Variants in CTSC observed in about 807,000 individuals in gnomAD.
The protein encoded by CTSC is cathepsin C, also known as dipeptidyl peptidase 1.
In CTSC, 37 loss-of-function variants were observed where a neutral mutation model predicts 40.9. The observed-to-expected ratio is 0.91, with a 90% CI of 0.70 to 1.19. The LOEUF (loss-of-function observed/expected upper bound fraction) is 1.19, where lower values mean the gene tolerates loss of function less well. Ranked by LOEUF, CTSC falls within the 50% of genes most tolerant of loss-of-function variation. The pLI, the probability that CTSC is intolerant of heterozygous loss-of-function variation, is 0.00. For synonymous variants in CTSC, 232 were observed against 207.4 expected, an observed-to-expected ratio of 1.12 and a Z score of -1.02; for missense variants, 594 against 567.3, an observed-to-expected ratio of 1.05 and a Z score of -0.48.
intron 4 of CTSC, among the ~76,000 whole-genome samples, chr11:88,308,832 T>C (rs1937689629): frequency 6.6e-6 from 1 of 152,212 alleles, no homozygotes; most frequent in Admixed American, 6.5e-5. Flanking sequence ...GGTTTTTCTT[T>C]ATGCAGCAGG....
intron 2 of CTSC, among the ~76,000 whole-genome samples, chr11:88,315,833 CT>C (rs1038830493): frequency 4.6e-5 from 7 of 151,876 alleles, no homozygotes; most frequent in South Asian, 4.2e-4. Context: ...ACAGAAAAGG[CT>C]TTTTTTTAAA....
intron 4 of CTSC, among the ~76,000 whole-genome samples, chr11:88,301,802 ACACG>A (rs200650714): frequency 0.37 from 43,477 of 118,652 alleles, 7,536 homozygotes; most frequent in Middle Eastern, 0.44. Flanking sequence ...ACACACAAAC[ACACG>A]CGCGCACACA....
At chr11:88,297,247 C>G (rs1944308580) in intron 5 of CTSC, 1 of 152,172 alleles carries the variant, frequency 6.6e-6, no homozygotes, top group Non-Finnish European at 1.5e-5. Context: ...GTTTTCAAAA[C>G]CATGCAGATG....
At chr11:88,298,289 G>C (rs1359597373) in intron 5 of CTSC, 1 of 152,174 alleles carries the variant, frequency 6.6e-6, no homozygotes, top group Admixed American at 6.5e-5. Flanking sequence ...GCATAGCTGG[G>C]AGAAGAACAA....
At chr11:88,317,234 T>G (rs1937900545) in intron 2 of CTSC, among the ~76,000 whole-genome samples, 1 of 152,236 alleles carries the variant, frequency 6.6e-6, no homozygotes, top group Admixed American at 6.5e-5. Context: ...CCCAAAGTGC[T>G]GGGATTACAG....
intron 2 of CTSC, chr11:88,328,238 G>A (rs769825819): frequency 5.3e-6 from 7 of 1,309,032 alleles, no homozygotes; most frequent in East Asian, 2.3e-5. Context: ...ATTATGTTGA[G>A]ATTAAGCATC....
chr11:88,319,734 A>G (rs981193096), intron 2 of CTSC, among the ~76,000 whole-genome samples: 1 of 152,186 alleles, frequency 6.6e-6, no homozygotes, highest in Non-Finnish European at 1.5e-5. Context: ...ATACATGTAT[A>G]TATAATTTTC....
At chr11:88,295,324 A>G (rs1345383225) in intron 6 of CTSC, among the ~76,000 whole-genome samples, 2 of 152,056 alleles carry the variant, frequency 1.3e-5, no homozygotes, top group South Asian at 4.1e-4. Context: ...CCCTCAATCA[A>G]TTATAGCTGT....
At chr11:88,298,900 A>T (rs779446274) in intron 5 of CTSC, 9 of 152,184 alleles carry the variant, frequency 5.9e-5, no homozygotes, top group Non-Finnish European at 8.8e-5. Context: ...ATAACTTGTC[A>T]ATCATTTCTT....
chr11:88,303,936 C>G (rs983364463), intron 4 of CTSC, among the ~76,000 whole-genome samples: 2 of 150,524 alleles, frequency 1.3e-5, no homozygotes, highest in Admixed American at 6.6e-5. Context: ...GAGAGAGAGA[C>G]TCTGTTTTCT....
At chr11:88,329,193 C>T (rs1938272731) in intron 2 of CTSC, among the ~76,000 whole-genome samples, 3 of 151,636 alleles carry the variant, frequency 2.0e-5, no homozygotes. Flanking sequence ...GTTAGAAAGC[C>T]TATTCAGGCT....
chr11:88,324,235 A>C (rs1378825963), intron 2 of CTSC: 2 of 259,822 alleles, frequency 7.7e-6, no homozygotes, highest in Non-Finnish European at 1.2e-5. Context: ...CCTTTCTTAT[A>C]CCTATACAAA....
At chr11:88,305,681 A>T (rs1003887183) in intron 4 of CTSC, among the ~76,000 whole-genome samples, 9 of 152,220 alleles carry the variant, frequency 5.9e-5, no homozygotes, top group African/African-American at 2.2e-4. Context: ...AAAAATCAGG[A>T]AGCCAGATTA....
chr11:88,337,526 C>T lies in CTSC; in HGVS notation c.147G>A (p.Gln49=), dbSNP rs868356626. Residue 49 remains glutamine (Q), a synonymous_variant, in exon 1 of 7, where the codon CAG becomes CAA. Coordinates refer to ENST00000227266, the MANE Select transcript of CTSC (RefSeq NM_001814.6). ...WVFQVGSSGS[Q]RDVNCSVMGP... ...CCATAACCGAGCAGTTGACATCGCG[C>T]TGGGAACCGCTGGAGCCCACCTGGA... is the stretch of plus-strand genomic sequence containing the variant. 1.3e-6 allele frequency: 2 copies of T among 1,575,014 alleles called. No homozygotes were observed. The highest frequency in any genetic ancestry group is 3.3e-4 in the Middle Eastern group (2 of 6,006).
intron 2 of CTSC, among the ~76,000 whole-genome samples, chr11:88,330,499 T>C (rs1340968671): frequency 6.6e-6 from 1 of 151,934 alleles, no homozygotes; most frequent in African/African-American, 2.4e-5. Context: ...CAGGCATGTG[T>C]CACCGCACCC....
At position 88,294,390 on chromosome 11, in the gene CTSC, G is replaced by C. The variant is rs1944276209; in HGVS notation, c.1008C>G (p.Asp336Glu). ...GTDSPCKMKEDCFRYYSSEYH... is the reference protein window; with the variant it reads ...GTDSPCKMKEECFRYYSSEYH... Reference sequence around the variant, plus strand: ...ACTCAGAGGAGTAATAACGAAAGCAGTCTTCCTTCATTTTGCATGGAGAAT... The same window carrying C: ...ACTCAGAGGAGTAATAACGAAAGCACTCTTCCTTCATTTTGCATGGAGAAT... The change falls in exon 7 of 7, where the codon GAC (aspartate) becomes GAG (glutamate). Residue 336 changes from aspartate (D) to glutamate (E), a missense_variant. Coordinates refer to ENST00000227266, the MANE Select transcript of CTSC (RefSeq NM_001814.6). The C allele has an allele frequency of 1.9e-6, 3 of 1,614,146 alleles. No individual in the cohort carries two copies. The highest frequency in any genetic ancestry group is 2.5e-6 in the Non-Finnish European group (3 of 1,180,018).
intron 2 of CTSC, among the ~76,000 whole-genome samples, chr11:88,318,218 G>A (rs1002153792): frequency 5.9e-5 from 9 of 152,200 alleles, no homozygotes; most frequent in African/African-American, 1.7e-4. Flanking sequence ...CTAGAAGACA[G>A]AGGCAGTTTA....
intron 2 of CTSC, among the ~76,000 whole-genome samples, chr11:88,329,907 A>C (rs562840211): frequency 7.2e-4 from 109 of 152,270 alleles, no homozygotes; most frequent in African/African-American, 2.5e-3. Flanking sequence ...TTGTATTTTT[A>C]GTGGAGATGA....
In CTSC at chr11:88,337,564, C is replaced by T; in HGVS notation, c.109G>A (p.Gly37Ser). Reference protein sequence around the residue: ...PANCTYLDLLGTWVFQVGSSG... With the variant: ...PANCTYLDLLSTWVFQVGSSG... ...GAGCCCACCTGGAAGACCCAGGTGC[C>T]CAGCAGGTCAAGATAGGTGCAGTTG... Residue 37 changes from glycine to serine, a missense_variant, in exon 1 of 7, where the codon GGC becomes AGC. Gly to Ser is a moderately conservative substitution (Grantham distance 56). Coordinates refer to ENST00000227266, the MANE Select transcript of CTSC (RefSeq NM_001814.6). 6.3e-7 allele frequency: 1 copy of T among 1,576,310 alleles called. No individual in the cohort carries two copies. Among genetic ancestry groups the T allele is most frequent in the Non-Finnish European group, 8.6e-7 (1 of 1,160,114 alleles).
Sources: allele counts gnomAD v4.1 joint callset (sites outside exome capture counted in the v4.1 genomes callset), GRCh38; gene constraint gnomAD v4.1.1; transcripts MANE v1.5; gene names NCBI Gene and HGNC (gene_info 2026-07-23, HGNC 2026-07-21).